ESR2: variants seen among roughly 807,000 people sequenced by gnomAD.
The protein encoded by ESR2 is estrogen receptor beta.
A neutral mutation model predicts 49.6 loss-of-function variants in ESR2; 36 were observed. That is an observed-to-expected ratio of 0.73 (90% CI 0.56 to 0.96). ESR2 has a LOEUF of 0.96. Ranked by LOEUF, ESR2 falls within the 40% of genes least tolerant of loss-of-function variation. ESR2 has a pLI of 0.00. For missense variants in ESR2, 714 were observed against 693.0 expected (o/e 1.03, Z -0.34); for synonymous variants, 320 against 266.1 (o/e 1.20, Z -1.97).
intron 1 of ESR2, among the ~76,000 whole-genome samples, chr14:64,313,481 C>A (rs1316446138): frequency 6.9e-6 from 1 of 145,800 alleles, no homozygotes; most frequent in Non-Finnish European, 1.5e-5. Flanking sequence ...TTCCAGTGAG[C>A]CGAGATCAGG....
chr14:64,313,965 G>C (rs1022314803), intron 1 of ESR2, among the ~76,000 whole-genome samples: 2 of 151,148 alleles, frequency 1.3e-5, no homozygotes, highest in South Asian at 2.1e-4. Context: ...TCAGTTGATA[G>C]AATGAGATAG....
intron 1 of ESR2, among the ~76,000 whole-genome samples, chr14:64,325,151 T>C (rs1189266515): frequency 6.6e-6 from 1 of 152,200 alleles, no homozygotes; most frequent in Admixed American, 6.5e-5. Context: ...CCCGTTTCCT[T>C]GCCTAGCTCT....
chr14:64,249,172 A>G (rs2075931919), intron 7 of ESR2, among the ~76,000 whole-genome samples: 1 of 152,198 alleles, frequency 6.6e-6, no homozygotes, highest in Admixed American at 6.5e-5. Flanking sequence ...TCTTTACTGA[A>G]CGAATGAATC....
At chr14:64,253,578 GTGT>G (rs2076033087) in intron 6 of ESR2, among the ~76,000 whole-genome samples, 1 of 132,896 alleles carries the variant, frequency 7.5e-6, no homozygotes, top group Non-Finnish European at 1.6e-5. Flanking sequence ...GTGTGTGTGT[GTGT>G]GTGTGTGTGT....
At chr14:64,274,244 A>C (rs2076510173) in intron 3 of ESR2, among the ~76,000 whole-genome samples, 2 of 151,896 alleles carry the variant, frequency 1.3e-5, no homozygotes, top group South Asian at 4.1e-4. Context: ...CATTGTGCCC[A>C]GCTTGCTGGG....
intron 1 of ESR2, among the ~76,000 whole-genome samples, chr14:64,317,928 C>T (rs989332858): frequency 6.6e-6 from 1 of 152,028 alleles, no homozygotes; most frequent in African/African-American, 2.4e-5. Flanking sequence ...GAATGCTTTC[C>T]CTCTAAGATT....
chr14:64,259,617 A>C (rs1033937073), intron 5 of ESR2, among the ~76,000 whole-genome samples: 1 of 152,230 alleles, frequency 6.6e-6, no homozygotes, highest in Admixed American at 6.5e-5. Context: ...TGGGCTTGAG[A>C]GAAGTGATCA....
intron 1 of ESR2, among the ~76,000 whole-genome samples, chr14:64,333,190 G>A (rs1439818233): frequency 1.3e-5 from 2 of 152,086 alleles, no homozygotes; most frequent in Non-Finnish European, 2.9e-5. Context: ...AAATTAAACT[G>A]ATCAATCAGG....
chr14:64,260,456 C>G lies in ESR2; in HGVS notation c.945G>C (p.Lys315Asn). 6 of 1,522,902 alleles carry G rather than the reference C, an allele frequency of 3.9e-6. No individual in the cohort carries two copies. The highest frequency in any genetic ancestry group is 5.3e-6 in the Non-Finnish European group (6 of 1,136,718). 94.3% of individuals were successfully genotyped at this position (1,522,902 alleles called of 1,614,324 possible). A position where few individuals can be genotyped will look rare whatever the true frequency, so the allele number is the denominator to read the frequency against. ...ELVHMISWAKKIPGFVELSLF... is the reference protein window; with the variant it reads ...ELVHMISWAKNIPGFVELSLF... Reference sequence around the variant, plus strand: ...ATAGCCAGAAAGCCCTACCGGGAATCTTCTTGGCCCAGCTGATCATGTGTA... The same window carrying G: ...ATAGCCAGAAAGCCCTACCGGGAATGTTCTTGGCCCAGCTGATCATGTGTA... The change falls in exon 5 of 9, where the codon AAG becomes AAC. Residue 315 changes from lysine (K) to asparagine (N), a missense_variant. Lys to Asn is a moderately conservative substitution (Grantham distance 94). Transcript: ENST00000341099.
At chr14:64,227,081 G>T (rs1045454732), downstream of ESR2, 1 of 161,346 alleles carries the variant, frequency 6.2e-6, no homozygotes, top group Non-Finnish European at 1.3e-5. Flanking sequence ...AAACAAAGAG[G>T]ATAGGCATCG....
chr14:64,295,557 C>T (rs2039726370), upstream of ESR2, among the ~76,000 whole-genome samples: 1 of 152,152 alleles, frequency 6.6e-6, no homozygotes, highest in South Asian at 2.1e-4. Context: ...GGTTGAAAGG[C>T]AGAGTCTCCC....
At chr14:64,259,390 A>C (rs1226415522) in intron 5 of ESR2, among the ~76,000 whole-genome samples, 1 of 152,160 alleles carries the variant, frequency 6.6e-6, no homozygotes, top group East Asian at 1.9e-4. Flanking sequence ...GCTGCCCTCC[A>C]GGCCATGGGA....
chr14:64,290,901 CTTAT>C (rs2076860408), intron 1 of ESR2, among the ~76,000 whole-genome samples: 1 of 152,116 alleles, frequency 6.6e-6, no homozygotes, highest in African/African-American at 2.4e-5. Flanking sequence ...CCAATTGGCG[CTTAT>C]TTAGTTGGAT....
chr14:64,288,436 C>T (rs375013560), intron 1 of ESR2, among the ~76,000 whole-genome samples: 10 of 151,102 alleles, frequency 6.6e-5, no homozygotes, highest in South Asian at 6.3e-4. Context: ...GCAAGCTCCA[C>T]CTCCCGGGTT....
intron 7 of ESR2, among the ~76,000 whole-genome samples, chr14:64,242,421 AAAAAAC>A (rs1376193602): frequency 7.2e-5 from 9 of 125,718 alleles, no homozygotes; most frequent in African/African-American, 3.5e-4. Flanking sequence ...AAAAAAACAA[AAAAAAC>A]AAAACAAACA....
At chr14:64,245,502 ACT>A (rs2075833004) in intron 7 of ESR2, among the ~76,000 whole-genome samples, 1 of 116,260 alleles carries the variant, frequency 8.6e-6, no homozygotes, top group Non-Finnish European at 1.8e-5. Context: ...ACAGGGCAAG[ACT>A]CTGTCAAAAA....
At chr14:64,280,967 C>G (rs772872946) in intron 2 of ESR2, among the ~76,000 whole-genome samples, 19 of 152,114 alleles carry the variant, frequency 1.2e-4, no homozygotes, top group African/African-American at 4.6e-4. Context: ...CAAGACTGTG[C>G]CACTGCACTC....
At chr14:64,331,822 C>CAAAA (rs368932180) in intron 1 of ESR2, among the ~76,000 whole-genome samples, 26 of 52,402 alleles carry the variant, frequency 5.0e-4, no homozygotes, top group African/African-American at 1.0e-3. Context: ...GACTCCATCT[C>CAAAA]AAAAAAAAAA....
intron 3 of ESR2, 47 bp from the exon 4 acceptor site, chr14:64,268,958 A>C (rs776837693): frequency 9.3e-7 from 1 of 1,070,138 alleles, no homozygotes; most frequent in Non-Finnish European, 1.4e-6. Context: ...ATGATCTCTT[A>C]GTTAAATCTC....
Sources: allele counts gnomAD v4.1 joint callset (sites outside exome capture counted in the v4.1 genomes callset), GRCh38; gene constraint gnomAD v4.1.1; transcripts MANE v1.5; gene names NCBI Gene and HGNC (gene_info 2026-07-23, HGNC 2026-07-21).